CASR: variants seen among roughly 807,000 people sequenced by gnomAD.
CASR encodes the protein extracellular calcium-sensing receptor.
Under a neutral mutation model 69.1 loss-of-function variants are expected in CASR, and 23 were observed. The observed-to-expected ratio is 0.33, with a 90% confidence interval of 0.24 to 0.47. The LOEUF is 0.47. CASR is among the 20% of genes least tolerant of loss of function. The pLI, the probability that CASR is intolerant of heterozygous loss-of-function variation, is 1.00. For synonymous variants in CASR, 541 were observed against 544.7 expected (o/e 0.99, Z 0.10); for missense variants, 924 against 1,356.1 (o/e 0.68, Z 5.00).
At position 122,284,342 on chromosome 3, in the gene CASR, G is replaced by A. The variant is rs200701164; in HGVS notation, c.2388G>A (p.Lys796=). The part of the protein sequence containing the change: ...ICFFFAFKSR[K]LPENFNEAKF... Reference sequence around the variant, plus strand: ...TCTTCTTTGCCTTCAAGTCCCGGAAGCTGCCGGAGAACTTCAATGAAGCCA... The same window carrying A: ...TCTTCTTTGCCTTCAAGTCCCGGAAACTGCCGGAGAACTTCAATGAAGCCA... The change falls in exon 7 of 7, where the codon AAG becomes AAA. Residue 796 remains lysine, a synonymous_variant. Transcript: ENST00000639785. The A allele has an allele frequency of 8.4e-5, 135 of 1,614,100 alleles. 2 individuals are homozygous for A. The highest frequency in any genetic ancestry group is 1.3e-5 in the African/African-American group (1 of 75,058).
intron 5 of CASR, among the ~76,000 whole-genome samples, chr3:122,281,898 A>G (rs550408463): frequency 3.9e-5 from 6 of 152,126 alleles, no homozygotes; most frequent in African/African-American, 1.4e-4. Context: ...GTGTGTGTGC[A>G]TGTATACACA....
intron 4 of CASR, among the ~76,000 whole-genome samples, chr3:122,271,863 T>C (rs113491593): frequency 4.8e-3 from 725 of 152,298 alleles, no homozygotes; most frequent in African/African-American, 0.017. Context: ...AAACATATGA[T>C]CTTTTGTGAC....
chr3:122,285,861 T>C lies in CASR; in HGVS notation c.*670T>C. ...GAAGGGACTGCATAAACCAATGAGC[T>C]GTATCTGTAATTAATATTCCTATAT... On this transcript the variant is annotated 3_prime_UTR_variant, in exon 7 of 7. Transcript: ENST00000639785. 6.5e-6 allele frequency: 1 copy of C among 154,946 alleles called. No homozygotes were observed. Among genetic ancestry groups the C allele is most frequent in the East Asian group, 1.9e-4 (1 of 5,228 alleles). 9.6% of individuals were successfully genotyped at this position (154,946 alleles called of 1,614,324 possible).
intron 1 of CASR, among the ~76,000 whole-genome samples, chr3:122,192,818 G>T (rs746375458): frequency 6.6e-6 from 1 of 152,160 alleles, no homozygotes; most frequent in Non-Finnish European, 1.5e-5. Flanking sequence ...CCCAGGCGAT[G>T]ATGGTAAGGC....
intron 1 of CASR, among the ~76,000 whole-genome samples, chr3:122,209,647 C>T (rs1329745936): frequency 6.6e-6 from 1 of 152,180 alleles, no homozygotes; most frequent in Non-Finnish European, 1.5e-5. Flanking sequence ...CCTCCCACAA[C>T]ACGTGGGAAC....
At chr3:122,281,568 T>C (rs913620888) in intron 5 of CASR, among the ~76,000 whole-genome samples, 1 of 152,240 alleles carries the variant, frequency 6.6e-6, no homozygotes, top group African/African-American at 2.4e-5. Context: ...TTTACTAAGC[T>C]TTTATCAATA....
intron 5 of CASR, among the ~76,000 whole-genome samples, chr3:122,279,326 C>T (rs1339255942): frequency 2.0e-5 from 3 of 152,120 alleles, no homozygotes; most frequent in Middle Eastern, 6.3e-3. Flanking sequence ...CACAGCCTAG[C>T]AGAAACCAAG....
intron 1 of CASR, among the ~76,000 whole-genome samples, chr3:122,239,271 G>A (rs915459908): frequency 6.6e-6 from 1 of 152,184 alleles, no homozygotes; most frequent in Non-Finnish European, 1.5e-5. Context: ...ATCTGCAGTG[G>A]CCAGGCAGAA....
At chr3:122,276,170 G>A (rs2074817932) in intron 5 of CASR, 128 bp downstream of exon 5, 9 of 713,598 alleles carry the variant, frequency 1.3e-5, no homozygotes, top group Non-Finnish European at 1.0e-5. Context: ...GAACTCTCTG[G>A]CCTTTGCAAT....
intron 5 of CASR, among the ~76,000 whole-genome samples, chr3:122,276,339 C>T (rs1203679378): frequency 6.6e-6 from 1 of 152,200 alleles, no homozygotes; most frequent in African/African-American, 2.4e-5. Flanking sequence ...TTTCCCTAAC[C>T]AGAGCAAAAT....
chr3:122,269,103 A>T (rs1398886421), intron 4 of CASR, among the ~76,000 whole-genome samples: 1 of 152,256 alleles, frequency 6.6e-6, no homozygotes, highest in Non-Finnish European at 1.5e-5. Flanking sequence ...ACTAATAAAT[A>T]TGCCTAAAAG....
At position 122,278,825 on chromosome 3, in the gene CASR, T is replaced by A. The variant is rs182309214; in HGVS notation, c.1608+2783T>A. On this transcript the variant is annotated intron_variant, in intron 5 of 6. Coordinates refer to ENST00000639785, the MANE Select transcript of CASR (RefSeq NM_000388.4). ...TCAAGCCATTGTGTGACCTTCAGCCTGTTCCTTAACCATTAAGAAGAAGAG... is the reference window on the plus strand; with the variant it reads ...TCAAGCCATTGTGTGACCTTCAGCCAGTTCCTTAACCATTAAGAAGAAGAG... Among the ~76,000 whole-genome samples the A allele has an allele frequency of 3.3e-5, 5 of 152,358 alleles. No homozygotes were observed. In the East Asian group the frequency reaches 5.8e-4, roughly 18 times the overall value.
At chr3:122,276,921 C>T (rs1295546534) in intron 5 of CASR, among the ~76,000 whole-genome samples, 23 of 152,210 alleles carry the variant, frequency 1.5e-4, no homozygotes, top group Admixed American at 1.4e-3. Flanking sequence ...TCCAGGTCCT[C>T]TGTAAGAACA....
At chr3:122,237,152 C>A (rs1245035048) in intron 1 of CASR, among the ~76,000 whole-genome samples, 1 of 145,456 alleles carries the variant, frequency 6.9e-6, no homozygotes, top group Non-Finnish European at 1.5e-5. Flanking sequence ...GCTCTGTCAC[C>A]AAGCTGGAGT....
chr3:122,274,390 G>C (rs1288648274), intron 4 of CASR, among the ~76,000 whole-genome samples: 1 of 152,216 alleles, frequency 6.6e-6, no homozygotes, highest in Non-Finnish European at 1.5e-5. Context: ...ATAAATGTTT[G>C]TCTAAAAATA....
intron 2 of CASR, among the ~76,000 whole-genome samples, chr3:122,256,589 G>A (rs1365845046): frequency 1.3e-5 from 2 of 152,036 alleles, no homozygotes; most frequent in Non-Finnish European, 2.9e-5. Context: ...GTCACCCTAT[G>A]AGGCAAGTGT....
At chr3:122,218,770 A>G (rs1469619237) in intron 1 of CASR, among the ~76,000 whole-genome samples, 1 of 152,250 alleles carries the variant, frequency 6.6e-6, no homozygotes, top group African/African-American at 2.4e-5. Flanking sequence ...GGAACTGAAG[A>G]GTTGACAATA....
chr3:122,195,557 C>T (rs1419269220), intron 1 of CASR, among the ~76,000 whole-genome samples: 3 of 152,106 alleles, frequency 2.0e-5, no homozygotes, highest in East Asian at 1.9e-4. Flanking sequence ...AAAATTATCC[C>T]GAGGAATATC....
intron 4 of CASR, among the ~76,000 whole-genome samples, chr3:122,272,827 C>T (rs1427427773): frequency 6.6e-6 from 1 of 152,132 alleles, no homozygotes; most frequent in Non-Finnish European, 1.5e-5. Context: ...TTTTTAATGA[C>T]TACTTAGAAA....
Sources: allele counts gnomAD v4.1 joint callset (sites outside exome capture counted in the v4.1 genomes callset), GRCh38; gene constraint gnomAD v4.1.1; transcripts MANE v1.5; gene names NCBI Gene and HGNC (gene_info 2026-07-23, HGNC 2026-07-21).